DUOX1: variants seen among roughly 807,000 people sequenced by gnomAD.
DUOX1 encodes dual oxidase 1.
Under a neutral mutation model 181.8 loss-of-function variants are expected in DUOX1, and 134 were observed. The observed-to-expected ratio is 0.74, with a 90% CI of 0.64 to 0.85. The LOEUF is 0.85. DUOX1 is among the 40% of genes least tolerant of loss of function. The pLI, the probability that DUOX1 is intolerant of heterozygous loss-of-function variation, is 0.00. For missense variants in DUOX1, 1,814 were observed against 2,064.4 expected, an observed-to-expected ratio of 0.88 and a Z score of 2.35; for synonymous variants, 798 against 832.5, an observed-to-expected ratio of 0.96 and a Z score of 0.71.
chr15:45,147,965 C>T lies in DUOX1; in HGVS notation c.2610C>T (p.Leu870=). 1.2e-6 allele frequency: 2 copies of T among 1,614,172 alleles called. No individual in the cohort carries two copies. Among genetic ancestry groups the T allele is most frequent in the Non-Finnish European group, 8.5e-7 (1 of 1,179,984 alleles). ...FRMYDFDGNG[L]ISKDEFIRML... Reference sequence around the variant, plus strand: ...TGTACGACTTTGATGGGAATGGCCTCATTTCCAAGGATGAGTTCATCAGGA... The same window carrying T: ...TGTACGACTTTGATGGGAATGGCCTTATTTCCAAGGATGAGTTCATCAGGA... Residue 870 remains leucine, a synonymous_variant, in exon 20 of 34, where the codon CTC becomes CTT. Coordinates refer to ENST00000389037, the MANE Select transcript of DUOX1 (RefSeq NM_175940.3).
intron 15 of DUOX1, among the ~76,000 whole-genome samples, chr15:45,142,763 GGAAA>G (rs1179546631): frequency 2.0e-5 from 2 of 99,058 alleles, no homozygotes; most frequent in Non-Finnish European, 4.5e-5. Context: ...ATGGAAGGAA[GGAAA>G]GAAGGAAGGA....
At chr15:45,139,874 G>A in intron 12 of DUOX1, 1 of 567,788 alleles carries the variant, frequency 1.8e-6, no homozygotes, top group Non-Finnish European at 3.1e-6. Flanking sequence ...CTTATTTACT[G>A]TTCTCTCCAC....
intron 18 of DUOX1, among the ~76,000 whole-genome samples, chr15:45,146,696 T>C (rs1896664771): frequency 6.6e-6 from 1 of 152,216 alleles, no homozygotes; most frequent in Non-Finnish European, 1.5e-5. Flanking sequence ...CCCTAGGCTC[T>C]TCCCACTACA....
At chr15:45,145,948 T>A (rs1896642882) in intron 18 of DUOX1, among the ~76,000 whole-genome samples, 1 of 151,228 alleles carries the variant, frequency 6.6e-6, no homozygotes, top group Non-Finnish European at 1.5e-5. Context: ...TACAGCATGG[T>A]TCTCCCACTG....
At chr15:45,136,461 T>G (rs1342015867) in intron 8 of DUOX1, 51 bp downstream of exon 8, 2 of 1,609,030 alleles carry the variant, frequency 1.2e-6, no homozygotes, top group South Asian at 1.1e-5. Flanking sequence ...TCTTGCGGGG[T>G]GGGGTGGGGA....
rs538045723 is a variant in DUOX1 at position 45,144,134 on chromosome 15, C to T, written c.2035C>T (p.Arg679Cys). ...GGTAGATGGCAGGCTCACCGTGCTCCGCACCATCCAGCTGCAGCCTCCACA... is the reference window on the plus strand; with the variant it reads ...GGTAGATGGCAGGCTCACCGTGCTCTGCACCATCCAGCTGCAGCCTCCACA... ...RVVDGRLTVL[R>C]TIQLQPPQKV... The change falls in exon 17 of 34, where the codon CGC (arginine) becomes TGC (cysteine). Residue 679 changes from arginine to cysteine, a missense_variant. Arg to Cys is a radical substitution (Grantham distance 180). This residue lies in a region of DUOX1 where 1,064 missense variants were observed against 1,152.9 expected (regional missense o/e 0.92). Coordinates refer to ENST00000389037, the MANE Select transcript of DUOX1 (RefSeq NM_175940.3). 37 of 1,614,074 alleles carry T rather than the reference C, an allele frequency of 2.3e-5. No individual in the cohort carries two copies. The highest frequency in any genetic ancestry group is 6.6e-5 in the South Asian group (6 of 91,086).
rs1595575277 is a variant in DUOX1 at position 45,135,149 on chromosome 15, G to A, written c.353G>A (p.Cys118Tyr). 2.5e-6 allele frequency: 4 copies of A among 1,613,592 alleles called. No homozygotes were observed. Among genetic ancestry groups the A allele is most frequent in the Admixed American group, 3.3e-5 (2 of 59,982 alleles). The change falls in exon 5 of 34, where the codon TGC (cysteine) becomes TAC (tyrosine). Residue 118 changes from cysteine to tyrosine, a missense_variant. This residue lies in a region of DUOX1 where 320 missense variants were observed against 313.1 expected (regional missense o/e 1.02). Coordinates refer to ENST00000389037, the MANE Select transcript of DUOX1 (RefSeq NM_175940.3). ...SDLVSVETPG[C>Y]PAEFLNIRIP... ...CTGGTGAGCGTGGAAACTCCCGGCT[G>A]CCCCGCCGAGTTCCTCAACATTCGC...
Position 45,153,958 on chromosome 15 carries a change from C to T in DUOX1, c.3532C>T (p.Leu1178Phe), listed in dbSNP as rs2458236. Reference sequence around the variant, plus strand: ...GCTGTCCCTTCCACACAGGTCTGAGCTCCCCCAGAAGTATTACTGGTGGTT... The same window carrying T: ...GCTGTCCCTTCCACACAGGTCTGAGTTCCCCCAGAAGTATTACTGGTGGTT... ...PGLFHDDGSELPQKYYWWFFQ... is the reference protein window; with the variant it reads ...PGLFHDDGSEFPQKYYWWFFQ... Residue 1178 changes from leucine (L) to phenylalanine (F), a missense_variant, in exon 27 of 34, where the codon CTC (leucine) becomes TTC (phenylalanine). Leu to Phe is a conservative substitution (Grantham distance 22). Transcript: ENST00000389037. The T allele has an allele frequency of 0.65, 1,051,086 of 1,608,952 alleles. 348,393 individuals are homozygous for T. Among genetic ancestry groups the T allele is most frequent in the South Asian group, 0.71 (64,144 of 90,974 alleles).
chr15:45,143,412 G>C, intron 16 of DUOX1, 109 bp downstream of exon 16: 1 of 819,862 alleles, frequency 1.2e-6, no homozygotes, highest in Non-Finnish European at 1.9e-6. Flanking sequence ...TTCTAGGACT[G>C]TAGGCAAGGC....
chr15:45,150,525 C>T, intron 21 of DUOX1, 107 bp from the exon 22 acceptor site: 1 of 1,054,912 alleles, frequency 9.5e-7, no homozygotes, highest in Non-Finnish European at 1.4e-6. Context: ...TGGTCTGGGA[C>T]TGTCTACTGT....
intron 16 of DUOX1, 105 bp downstream of exon 16, chr15:45,143,408 G>T: frequency 1.2e-6 from 1 of 861,982 alleles, no homozygotes; most frequent in Non-Finnish European, 1.8e-6. Context: ...CCTTTTCTAG[G>T]ACTGTAGGCA....
chr15:45,152,232 A>T, intron 24 of DUOX1, 54 bp from the exon 25 acceptor site: 1 of 1,543,090 alleles, frequency 6.5e-7, no homozygotes, highest in Non-Finnish European at 8.8e-7. Context: ...GCCCCTAACC[A>T]GCTCTCTGTC....
intron 28 of DUOX1, among the ~76,000 whole-genome samples, chr15:45,156,303 T>A (rs1288000392): frequency 6.6e-6 from 1 of 152,220 alleles, no homozygotes; most frequent in East Asian, 1.9e-4. Context: ...AAGAAACTTA[T>A]CTTAAATGGG....
Position 45,165,122 on chromosome 15 carries a change from G to T in DUOX1, c.*221G>T. ...AAATGGTGGGGGGGCAGTGTCTAGG[G>T]ACTAGAGTGAGAAGTAGGGGAGCTA... On this transcript the variant is annotated 3_prime_UTR_variant, in exon 34 of 34. Transcript: ENST00000389037. The T allele has an allele frequency of 1.7e-6, 1 of 580,952 alleles. No homozygotes were observed. The highest frequency in any genetic ancestry group is 3.1e-6 in the Non-Finnish European group (1 of 327,320). 36.0% of individuals were successfully genotyped at this position (580,952 alleles called of 1,614,324 possible).
In DUOX1 at chr15:45,136,376, C is replaced by T. The variant is rs1327151579; in HGVS notation, c.891C>T (p.Pro297=). Reference sequence around the variant, plus strand: ...ACATCGCTGTGTATGAGTGGCTGCCCAGCTTCCTGCAGAAAACACTCCCGG... The same window carrying T: ...ACATCGCTGTGTATGAGTGGCTGCCTAGCTTCCTGCAGAAAACACTCCCGG... The part of the protein sequence containing the change: ...YQNIAVYEWL[P]SFLQKTLPEY... Residue 297 remains proline, a synonymous_variant, in exon 8 of 34, where the codon CCC becomes CCT. Transcript: ENST00000389037. 2 of 1,614,002 alleles carry T rather than the reference C, an allele frequency of 1.2e-6. No individual in the cohort carries two copies. The highest frequency in any genetic ancestry group is 3.3e-5 in the Admixed American group (2 of 60,024).
intron 14 of DUOX1, 47 bp from the exon 15 acceptor site, chr15:45,141,928 C>T: frequency 3.8e-6 from 6 of 1,574,724 alleles, no homozygotes; most frequent in Non-Finnish European, 5.2e-6. Flanking sequence ...CCTGTGCCAG[C>T]ACCTGTGGCC....
At position 45,153,428 on chromosome 15, in the gene DUOX1, G is replaced by A. The variant is rs748251527; in HGVS notation, c.3473G>A (p.Ser1158Asn). ...HVVNVYLFSI[S>N]PLSVLSCLFP... ...GTGAATGTGTACCTGTTCTCCATCA[G>A]CCCCCTCAGCGTCCTCTCTTGCCTC... is the stretch of plus-strand genomic sequence containing the variant. Residue 1158 changes from serine (S) to asparagine (N), a missense_variant, in exon 26 of 34, where the codon AGC becomes AAC. Ser to Asn is a conservative substitution (Grantham distance 46, BLOSUM62 1). This residue lies in a region of DUOX1 where 1,064 missense variants were observed against 1,152.9 expected (regional missense o/e 0.92). Coordinates refer to ENST00000389037, the MANE Select transcript of DUOX1 (RefSeq NM_175940.3). 1.5e-5 allele frequency: 25 copies of A among 1,613,326 alleles called. No homozygotes were observed. The highest frequency in any genetic ancestry group is 3.3e-4 in the Middle Eastern group (2 of 6,082).
chr15:45,141,324 G>A lies in DUOX1; in HGVS notation c.1598G>A (p.Arg533Gln), dbSNP rs374183298. Residue 533 changes from arginine to glutamine, a missense_variant, in exon 14 of 34, where the codon CGA becomes CAA. Arg to Gln is a conservative substitution (Grantham distance 43). Coordinates refer to ENST00000389037, the MANE Select transcript of DUOX1 (RefSeq NM_175940.3). Reference sequence around the variant, plus strand: ...TCCAAGAAGGAGATTGAAGAAATCCGAAATACCACCCTGCAGGACGTGCTG... The same window carrying A: ...TCCAAGAAGGAGATTGAAGAAATCCAAAATACCACCCTGCAGGACGTGCTG... ...LFSKKEIEEI[R>Q]NTTLQDVLVA... 48 of 1,614,064 alleles carry A rather than the reference G, an allele frequency of 3.0e-5. 1 individual carries two copies. The Middle Eastern group carries it at 6.6e-4, about 22-fold the overall frequency.
At chr15:45,150,348 C>T (rs1324579715) in intron 21 of DUOX1, 26 of 447,892 alleles carry the variant, frequency 5.8e-5, no homozygotes, top group Admixed American at 1.4e-4. Flanking sequence ...ATACAGTTCC[C>T]GAAATCTACC....
Sources: allele counts gnomAD v4.1 joint callset (sites outside exome capture counted in the v4.1 genomes callset), GRCh38; gene constraint gnomAD v4.1.1; regional missense constraint gnomAD v4.1.1; transcripts MANE v1.5; gene names NCBI Gene and HGNC (gene_info 2026-07-23, HGNC 2026-07-21).